TSACC: variants seen among roughly 807,000 people sequenced by gnomAD.
TSACC encodes TSSK6 activating cochaperone.
Under a neutral mutation model 6.9 loss-of-function variants are expected in TSACC, and 3 were observed. That is an observed-to-expected ratio of 0.43 (90% CI 0.20 to 1.12). The LOEUF is 1.12. Ranked by LOEUF, TSACC falls within the 50% of genes most tolerant of loss-of-function variation. The pLI, the probability that TSACC is intolerant of heterozygous loss-of-function variation, is 0.28. For missense variants in TSACC, 137 were observed against 143.9 expected, an observed-to-expected ratio of 0.95 and a Z score of 0.24; for synonymous variants, 54 against 55.1, an observed-to-expected ratio of 0.98 and a Z score of 0.09.
At chr1:156,339,091 C>G (rs1287663791) in intron 1 of TSACC, among the ~76,000 whole-genome samples, 2 of 152,106 alleles carry the variant, frequency 1.3e-5, no homozygotes, top group Non-Finnish European at 2.9e-5. Context: ...TGGCGAAACC[C>G]CGTCTCTACT....
At chr1:156,344,491 C>A in intron 2 of TSACC, 89 bp from the exon 3 acceptor site, 1 of 1,517,000 alleles carries the variant, frequency 6.6e-7, no homozygotes. Flanking sequence ...AGGGCCTGGG[C>A]ACCTGCTTTC....
Position 156,343,378 on chromosome 1 carries a change from T to C in TSACC, c.35-1202T>C, listed in dbSNP as rs145959677. On this transcript the variant is annotated intron_variant, in intron 2 of 3. Coordinates refer to ENST00000368254, the MANE Select transcript of TSACC (RefSeq NM_001304817.2). ...GGACTAAAACTGGGGATTTGGTGCC[T>C]GTTGGTGTCTGTGTATCCATCTGTC... 1.4e-3 allele frequency among the ~76,000 whole-genome samples: 210 copies of C among 152,282 alleles called. 2 individuals carry two copies. The highest frequency in any genetic ancestry group is 4.6e-3 in the African/African-American group (193 of 41,564).
chr1:156,339,278 A>G (rs970961381), intron 1 of TSACC, among the ~76,000 whole-genome samples: 13 of 145,802 alleles, frequency 8.9e-5, no homozygotes, highest in Non-Finnish European at 1.8e-4. Context: ...AAAAAAAAAA[A>G]GTATTCCCTG....
chr1:156,344,539 C>A, intron 2 of TSACC, 41 bp from the exon 3 acceptor site: 1 of 1,604,030 alleles, frequency 6.2e-7, no homozygotes, highest in Non-Finnish European at 8.5e-7. Flanking sequence ...AAAGGCTGTC[C>A]CTTGTTGGAA....
At chr1:156,339,369 A>G (rs1304168299) in intron 1 of TSACC, among the ~76,000 whole-genome samples, 1 of 152,142 alleles carries the variant, frequency 6.6e-6, no homozygotes, top group Non-Finnish European at 1.5e-5. Flanking sequence ...GGGGAGCCAG[A>G]GTTTTAAAAT....
upstream of TSACC, chr1:156,338,088 A>C: frequency 6.5e-7 from 1 of 1,535,308 alleles, no homozygotes; most frequent in Non-Finnish European, 8.9e-7. Flanking sequence ...AGCTGGGGCA[A>C]CACTGAAAAG....
upstream of TSACC, chr1:156,338,448 C>A (rs1177876077): frequency 7.1e-6 from 4 of 562,562 alleles, no homozygotes; most frequent in South Asian, 8.8e-5. Flanking sequence ...ACTGGGAGGG[C>A]ACAGGCGCTT....
chr1:156,339,913 C>T, intron 2 of TSACC, 122 bp downstream of exon 2: 2 of 960,536 alleles, frequency 2.1e-6, no homozygotes, highest in South Asian at 1.5e-5. Context: ...ATAGTAGATG[C>T]TCAGTAATTA....
chr1:156,338,280 C>T, upstream of TSACC: 4 of 1,267,838 alleles, frequency 3.2e-6, no homozygotes, highest in Non-Finnish European at 4.5e-6. Flanking sequence ...AACGCTGCCT[C>T]CTCAGGGCTT....
rs370328338 is a variant in TSACC, at chr1:156,346,896, G to C, written c.292G>C (p.Ala98Pro). Residue 98 changes from alanine (A) to proline (P), a missense_variant, in exon 4 of 4, where the codon GCT (alanine) becomes CCT (proline). Coordinates refer to ENST00000368254, the MANE Select transcript of TSACC (RefSeq NM_001304817.2). ...TTTACAGGCATCTGTGACACAACTG[G>C]CTCCTGGGAGGGGAAGCAATAACTC... The part of the protein sequence containing the change: ...EHLQASVTQL[A>P]PGRGSNNSSL... The C allele has an allele frequency of 6.2e-7, 1 of 1,614,130 alleles. No homozygotes were observed. The highest frequency in any genetic ancestry group is 1.3e-5 in the African/African-American group (1 of 75,014).
intron 2 of TSACC, among the ~76,000 whole-genome samples, chr1:156,341,460 T>C (rs553688200): frequency 2.0e-5 from 3 of 152,162 alleles, no homozygotes; most frequent in Non-Finnish European, 4.4e-5. Context: ...AGACTATCAG[T>C]TCCAGGAGAG....
Position 156,344,705 on chromosome 1 carries a change from T to C in TSACC, c.160T>C (p.Ser54Pro). ...FLNIQTTKLPSVDHKPKECLG... is the reference protein window; with the variant it reads ...FLNIQTTKLPPVDHKPKECLG... Reference sequence around the variant, plus strand: ...GAACATCCAGACAACAAAGCTGCCCTCGGGTAAGGATGTAGGGAGGGTTTT... The same window carrying C: ...GAACATCCAGACAACAAAGCTGCCCCCGGGTAAGGATGTAGGGAGGGTTTT... Residue 54 changes from serine (S) to proline (P), a missense_variant, in exon 3 of 4, where the codon TCG (serine) becomes CCG (proline). Coordinates refer to ENST00000368254, the MANE Select transcript of TSACC (RefSeq NM_001304817.2). 2 of 1,613,876 alleles carry C rather than the reference T, an allele frequency of 1.2e-6. No individual in the cohort carries two copies. Among genetic ancestry groups the C allele is most frequent in the Non-Finnish European group, 1.7e-6 (2 of 1,179,904 alleles).
intron 2 of TSACC, among the ~76,000 whole-genome samples, chr1:156,342,552 C>T (rs1230652532): frequency 6.6e-6 from 1 of 152,232 alleles, no homozygotes; most frequent in African/African-American, 2.4e-5. Context: ...ATACAACCTA[C>T]TTTTCACACT....
upstream of TSACC, chr1:156,337,928 C>A (rs1196327238): frequency 1.0e-5 from 6 of 576,526 alleles, no homozygotes; most frequent in Non-Finnish European, 1.9e-5. Context: ...GACGAGCACA[C>A]GTCAAGGAAA....
intron 2 of TSACC, among the ~76,000 whole-genome samples, chr1:156,341,581 C>T (rs1228992579): frequency 1.3e-5 from 2 of 152,122 alleles, no homozygotes; most frequent in African/African-American, 2.4e-5. Flanking sequence ...ATTATCATAT[C>T]CTCTGTTCTG....
intron 1 of TSACC, chr1:156,338,831 G>A (rs140409834): frequency 6.5e-6 from 1 of 154,406 alleles, no homozygotes; most frequent in East Asian, 1.9e-4. Flanking sequence ...GGGCACACTG[G>A]GAGTTGTGGT....
intron 2 of TSACC, 63 bp from the exon 3 acceptor site, chr1:156,344,517 G>A (rs1666060090): frequency 1.3e-6 from 2 of 1,577,482 alleles, no homozygotes; most frequent in Admixed American, 3.5e-5. Context: ...CCAGGTGCAG[G>A]GATCTAATTA....
At chr1:156,342,682 GCACTT>G (rs1665963003) in intron 2 of TSACC, among the ~76,000 whole-genome samples, 1 of 152,172 alleles carries the variant, frequency 6.6e-6, no homozygotes, top group Admixed American at 6.5e-5. Context: ...TGCTTTCATA[GCACTT>G]ACTGAAGTGT....
At chr1:156,346,662 T>C (rs1666199821) in intron 3 of TSACC, 106 bp from the exon 4 acceptor site, 1 of 1,126,844 alleles carries the variant, frequency 8.9e-7, no homozygotes, top group Non-Finnish European at 1.3e-6. Flanking sequence ...GGGTTGTGCC[T>C]GGAAAGATTG....
Sources: allele counts gnomAD v4.1 joint callset (sites outside exome capture counted in the v4.1 genomes callset), GRCh38; gene constraint gnomAD v4.1.1; transcripts MANE v1.5; gene names NCBI Gene and HGNC (gene_info 2026-07-23, HGNC 2026-07-21).